Variants in CADM2 observed in about 807,000 individuals in gnomAD.
CADM2 encodes immunoglobulin superfamily member 4D.
CADM2 carries 12 observed loss-of-function variants against 49.8 expected under a neutral mutation model. The observed-to-expected ratio is 0.24, with a 90% CI of 0.15 to 0.39. The LOEUF (loss-of-function observed/expected upper bound fraction) is 0.39, where lower values mean the gene tolerates loss of function less well. Among genes scored for constraint, CADM2 ranks in the 10% least tolerant of loss-of-function variants. The pLI is 1.00. For synonymous variants in CADM2, 214 were observed against 175.4 expected, an observed-to-expected ratio of 1.22 and a Z score of -1.74; for missense variants, 378 against 492.3, an observed-to-expected ratio of 0.77 and a Z score of 2.20.
intron 8 of CADM2, among the ~76,000 whole-genome samples, chr3:85,986,125 A>G (rs1480707097): frequency 2.0e-5 from 3 of 152,004 alleles, no homozygotes; most frequent in Admixed American, 1.3e-4. Context: ...TCTATTCTCT[A>G]CATCCTTTAT....
intron 1 of CADM2, among the ~76,000 whole-genome samples, chr3:85,606,900 G>T (rs2063553995): frequency 6.6e-6 from 1 of 151,876 alleles, no homozygotes; most frequent in African/African-American, 2.4e-5. Flanking sequence ...TGGTCTTCAG[G>T]GTATTATTTT....
chr3:85,976,986 T>C lies in CADM2; in HGVS notation c.970+15339T>C, dbSNP rs1207346164. Among the ~76,000 whole-genome samples the C allele has an allele frequency of 2.0e-5, 3 of 151,478 alleles. No homozygotes were observed. In the East Asian group the frequency reaches 5.8e-4, roughly 29 times the overall value. ...TTTTTACCCTTGTAAGAAATAAAGA[T>C]ATGGTTTGCTTTATACAAGAATGCT... On this transcript the variant is annotated intron_variant, in intron 8 of 9. Transcript: ENST00000383699.
chr3:85,529,557 A>T (rs1454785004), intron 1 of CADM2, among the ~76,000 whole-genome samples: 1 of 152,182 alleles, frequency 6.6e-6, no homozygotes, highest in East Asian at 1.9e-4. Context: ...TAAGTTTTAT[A>T]GCCTCTGATC....
intron 1 of CADM2, among the ~76,000 whole-genome samples, chr3:85,416,500 G>C (rs1418708017): frequency 1.3e-5 from 2 of 152,124 alleles, no homozygotes; most frequent in Admixed American, 6.6e-5. Context: ...CAACAGAAAA[G>C]GGCTTTTGAA....
intron 2 of CADM2, among the ~76,000 whole-genome samples, chr3:85,742,463 T>G (rs1400104203): frequency 6.6e-6 from 1 of 152,192 alleles, no homozygotes; most frequent in Non-Finnish European, 1.5e-5. Flanking sequence ...AAGTACATGA[T>G]GGACCCTTAA....
At chr3:85,039,284 C>G (rs778971162) in intron 1 of CADM2, among the ~76,000 whole-genome samples, 1 of 152,124 alleles carries the variant, frequency 6.6e-6, no homozygotes, top group Non-Finnish European at 1.5e-5. Context: ...CCAACCATAC[C>G]TGGCTGTAAT....
chr3:85,263,685 ATT>A (rs200415855), intron 1 of CADM2, among the ~76,000 whole-genome samples: 2 of 151,810 alleles, frequency 1.3e-5, no homozygotes, highest in Non-Finnish European at 2.9e-5. Context: ...ATCTATTCCA[ATT>A]TTTTTTCTAA....
chr3:85,252,810 T>C (rs2042803987), intron 1 of CADM2, among the ~76,000 whole-genome samples: 1 of 151,674 alleles, frequency 6.6e-6, no homozygotes, highest in African/African-American at 2.4e-5. Flanking sequence ...ATTTGCCCTT[T>C]CCACTAACCG....
At chr3:85,180,764 A>T (rs2040914819) in intron 1 of CADM2, among the ~76,000 whole-genome samples, 2 of 152,182 alleles carry the variant, frequency 1.3e-5, no homozygotes, top group Admixed American at 1.3e-4. Context: ...AAAGTAAAGA[A>T]TGAGAATATA....
At chr3:85,333,518 G>C (rs573537857) in intron 1 of CADM2, among the ~76,000 whole-genome samples, 1 of 151,722 alleles carries the variant, frequency 6.6e-6, no homozygotes, top group Non-Finnish European at 1.5e-5. Context: ...TTAGTTTGTG[G>C]TTGAGTAATT....
intron 1 of CADM2, among the ~76,000 whole-genome samples, chr3:85,653,005 C>T (rs965792664): frequency 2.0e-5 from 3 of 151,404 alleles, no homozygotes; most frequent in African/African-American, 7.3e-5. Context: ...CAACTCCTGA[C>T]CTCATGATCC....
At chr3:85,664,812 T>C (rs2065516290) in intron 1 of CADM2, among the ~76,000 whole-genome samples, 1 of 152,004 alleles carries the variant, frequency 6.6e-6, no homozygotes, top group Non-Finnish European at 1.5e-5. Flanking sequence ...GAATTTCCCT[T>C]TTCGTTTAGC....
intron 3 of CADM2, among the ~76,000 whole-genome samples, chr3:85,871,386 GT>G (rs1171195157): frequency 1.3e-5 from 2 of 152,086 alleles, no homozygotes; most frequent in Non-Finnish European, 2.9e-5. Flanking sequence ...ACCATTCACA[GT>G]TTTTCTAACA....
At chr3:85,952,551 C>T (rs971902415) in intron 7 of CADM2, among the ~76,000 whole-genome samples, 3 of 150,878 alleles carry the variant, frequency 2.0e-5, no homozygotes, top group South Asian at 2.1e-4. Flanking sequence ...TTTTCCCTCT[C>T]GGCTTTATTT....
At chr3:85,220,637 A>G (rs1054053504) in intron 1 of CADM2, among the ~76,000 whole-genome samples, 2 of 152,102 alleles carry the variant, frequency 1.3e-5, no homozygotes, top group Non-Finnish European at 2.9e-5. Context: ...AGGTAAAATC[A>G]TATCTGGAAT....
At chr3:85,683,721 T>A (rs2066105996) in intron 1 of CADM2, among the ~76,000 whole-genome samples, 1 of 152,148 alleles carries the variant, frequency 6.6e-6, no homozygotes, top group Non-Finnish European at 1.5e-5. Flanking sequence ...AATAAAGTAT[T>A]TTTATACTTG....
chr3:85,686,583 T>A (rs567505070), intron 1 of CADM2, among the ~76,000 whole-genome samples: 1 of 152,322 alleles, frequency 6.6e-6, no homozygotes, highest in Admixed American at 6.5e-5. Context: ...ATATTTAGTA[T>A]CTAAATGACT....
intron 3 of CADM2, among the ~76,000 whole-genome samples, chr3:85,874,595 T>C (rs1711557536): frequency 6.6e-6 from 1 of 152,108 alleles, no homozygotes; most frequent in Admixed American, 6.5e-5. Context: ...TTAAAAAGAA[T>C]GAGGGCTTAC....
At chr3:86,006,896 C>T (rs1449880648) in intron 8 of CADM2, among the ~76,000 whole-genome samples, 3 of 151,984 alleles carry the variant, frequency 2.0e-5, no homozygotes, top group Admixed American at 2.0e-4. Flanking sequence ...CAAAAATTAG[C>T]TAGGCATGGT....
Sources: gnomAD v4.1 joint callset for allele counts (sites outside exome capture counted in the v4.1 genomes callset) on GRCh38, gnomAD v4.1.1 for gene constraint, MANE v1.5 for transcripts, NCBI Gene and HGNC (gene_info 2026-07-23, HGNC 2026-07-21) for gene names.